SOX17: variants seen among roughly 807,000 people sequenced by gnomAD.
SOX17 encodes the protein SRY-box transcription factor 17.
In SOX17, 4 loss-of-function variants were observed where a neutral mutation model predicts 16.0. The ratio of observed to expected loss-of-function variants is 0.25; its 90% confidence interval spans 0.12 to 0.57. The LOEUF (loss-of-function observed/expected upper bound fraction) is 0.57, where lower values mean the gene tolerates loss of function less well. Among genes scored for constraint, SOX17 ranks in the 20% least tolerant of loss-of-function variants. The pLI is 0.92. For missense variants in SOX17, 633 were observed against 609.7 expected (o/e 1.04, Z -0.40); for synonymous variants, 357 against 284.6 (o/e 1.25, Z -2.56).
intron 1 of SOX17, 104 bp from the exon 2 acceptor site, chr8:54,458,952 CAA>C (rs1804683570): frequency 9.3e-7 from 1 of 1,079,682 alleles, no homozygotes; most frequent in Admixed American, 3.1e-5. Context: ...TTGCGCAATT[CAA>C]AGTCTGAGGG....
chr8:54,458,046 T>A lies in SOX17; in HGVS notation c.-93T>A. The A allele has an allele frequency of 7.3e-7, 1 of 1,373,494 alleles. No individual in the cohort carries two copies. The highest frequency in any genetic ancestry group is 9.5e-7 in the Non-Finnish European group (1 of 1,054,266). 85.1% of individuals were successfully genotyped at this position (1,373,494 alleles called of 1,614,324 possible). On this transcript the variant is annotated 5_prime_UTR_variant, in exon 1 of 2. Coordinates refer to ENST00000297316, the MANE Select transcript of SOX17 (RefSeq NM_022454.4). ...GGAGACCCGCGCAGCCCTCGGGGCA[T>A]CTCAGTGCCTCACTCCCCACCCCCT...
chr8:54,460,498 AG>A lies in SOX17; in HGVS notation c.*505del, dbSNP rs1293114416. The A allele has an allele frequency of 4.1e-6, 1 of 243,496 alleles. No homozygotes were observed. Among genetic ancestry groups the A allele is most frequent in the Non-Finnish European group, 8.1e-6 (1 of 124,196 alleles). 15.1% of individuals were successfully genotyped at this position (243,496 alleles called of 1,614,324 possible). ...AAAAGGGTGAACATAAATGCCTTTA[AG>A]GAGTATATCTAAAAATAAACATTAG... On this transcript the variant is annotated 3_prime_UTR_variant, in exon 2 of 2. Coordinates refer to ENST00000297316, the MANE Select transcript of SOX17 (RefSeq NM_022454.4).
Position 54,459,653 on chromosome 8 carries a change from C to G in SOX17, c.903C>G (p.Gly301=). The G allele has an allele frequency of 6.5e-7, 1 of 1,536,928 alleles. No homozygotes were observed. Among genetic ancestry groups the G allele is most frequent in the Non-Finnish European group, 8.7e-7 (1 of 1,146,138 alleles). The stretch of plus-strand genomic sequence containing the variant: ...TTCACGTGTACTACGGCGCGATGGG[C>G]TCGCCCGGGGCGGGCGGCGGGCGCG... ...SALHVYYGAM[G]SPGAGGGRGF... The change falls in exon 2 of 2, where the codon GGC becomes GGG. Residue 301 remains glycine (G), a synonymous_variant. Coordinates refer to ENST00000297316, the MANE Select transcript of SOX17 (RefSeq NM_022454.4).
chr8:54,459,572 C>T lies in SOX17; in HGVS notation c.822C>T (p.Leu274=). The T allele has an allele frequency of 6.5e-7, 1 of 1,537,590 alleles. No homozygotes were observed. The highest frequency in any genetic ancestry group is 1.2e-5 in the South Asian group (1 of 84,098). Residue 274 remains leucine (L), a synonymous_variant, in exon 2 of 2, where the codon CTC becomes CTT. Transcript: ENST00000297316. ...EPPAGPMHPR[L]GPEPAGPSIP... ...CCGCCGGTCCCATGCACCCCCGACT[C>T]GGCCCAGAGCCCGCGGGTCCCTCGA...
In SOX17 at chr8:54,458,012, T is replaced by A. The variant is rs1162824791; in HGVS notation, c.-127T>A. On this transcript the variant is annotated 5_prime_UTR_variant, in exon 1 of 2. Transcript: ENST00000297316. ...GACAGGCCAGAACACGGGCGGCGGC[T>A]TCGGGCCGGGAGACCCGCGCAGCCC... is the stretch of plus-strand genomic sequence containing the variant. 4 of 1,172,718 alleles carry A rather than the reference T, an allele frequency of 3.4e-6. No homozygotes were observed. Among genetic ancestry groups the A allele is most frequent in the Non-Finnish European group, 4.6e-6 (4 of 879,022 alleles). 72.6% of individuals were successfully genotyped at this position (1,172,718 alleles called of 1,614,324 possible).
chr8:54,459,036 C>T lies in SOX17; in HGVS notation c.308-22C>T, dbSNP rs1038122777. ...CAGCCGATAAGCCCTGCGCCCCTCT[C>T]CCCCTTCCTTCCACTGTGCAGGCAA... is the stretch of plus-strand genomic sequence containing the variant. On this transcript the variant is annotated intron_variant, in intron 1 of 1. Transcript: ENST00000297316. 3.2e-6 allele frequency: 5 copies of T among 1,577,058 alleles called. No homozygotes were observed. In the African/African-American group the frequency reaches 5.5e-5, roughly 17 times the overall value.
rs1180441898 is a variant in SOX17, at chr8:54,459,670, G to T, written c.920G>T (p.Gly307Val). 1.3e-6 allele frequency: 2 copies of T among 1,536,456 alleles called. No individual in the cohort carries two copies. The highest frequency in any genetic ancestry group is 1.2e-5 in the South Asian group (1 of 83,984). ...YGAMGSPGAG[G>V]GRGFQMQPQH... The stretch of plus-strand genomic sequence containing the variant: ...GCGATGGGCTCGCCCGGGGCGGGCG[G>T]CGGGCGCGGCTTCCAGATGCAGCCG... The change falls in exon 2 of 2, where the codon GGC becomes GTC. Residue 307 changes from glycine to valine, a missense_variant. Physicochemically the swap from Gly to Val is moderately radical, Grantham distance 109. Transcript: ENST00000297316.
chr8:54,458,967 G>T, intron 1 of SOX17, 91 bp from the exon 2 acceptor site: 2 of 1,176,974 alleles, frequency 1.7e-6, no homozygotes, highest in Non-Finnish European at 1.2e-6. Flanking sequence ...TCTGAGGGGG[G>T]AGGTGCGTCC....
rs767116263 is a variant in SOX17, at chr8:54,459,997, A to G, written c.*2A>G. The G allele has an allele frequency of 3.1e-6, 5 of 1,613,578 alleles. No homozygotes were observed. The highest frequency in any genetic ancestry group is 1.3e-5 in the African/African-American group (1 of 74,950). On this transcript the variant is annotated 3_prime_UTR_variant, in exon 2 of 2. Coordinates refer to ENST00000297316, the MANE Select transcript of SOX17 (RefSeq NM_022454.4). ...TACTGCAACTATCCTGACGTGTGAC[A>G]GGTCCCTGATCCGCCCCAGCCTGCA...
chr8:54,459,334 T>C lies in SOX17; in HGVS notation c.584T>C (p.Leu195Pro). The C allele has an allele frequency of 6.5e-7, 1 of 1,545,146 alleles. No homozygotes were observed. Among genetic ancestry groups the C allele is most frequent in the Non-Finnish European group, 8.6e-7 (1 of 1,156,486 alleles). The stretch of plus-strand genomic sequence containing the variant: ...GGCTTCCCCGCCGGCCCGCCGCTGC[T>C]GCCTCCGCACATGGGCGGCCACTAC... ...EQGFPAGPPLLPPHMGGHYRD... is the reference protein window; with the variant it reads ...EQGFPAGPPLPPPHMGGHYRD... The change falls in exon 2 of 2, where the codon CTG becomes CCG. Residue 195 changes from leucine (L) to proline (P), a missense_variant. Leu to Pro is a moderately conservative substitution (Grantham distance 98). Around this residue, in one of 5 missense-constraint regions of SOX17, gnomAD observed 479 missense variants for 397.2 expected, o/e 1.21. Coordinates refer to ENST00000297316, the MANE Select transcript of SOX17 (RefSeq NM_022454.4).
rs756721887 is a variant in SOX17 at position 54,459,640 on chromosome 8, A to G, written c.890A>G (p.Tyr297Cys). 3.9e-6 allele frequency: 6 copies of G among 1,537,464 alleles called. No homozygotes were observed. In the South Asian group the frequency reaches 4.8e-5, roughly 12 times the overall value. ...LAPPSALHVY[Y>C]GAMGSPGAGG... The stretch of plus-strand genomic sequence containing the variant: ...CCACCCAGCGCCCTTCACGTGTACT[A>G]CGGCGCGATGGGCTCGCCCGGGGCG... Residue 297 changes from tyrosine to cysteine, a missense_variant, in exon 2 of 2, where the codon TAC becomes TGC. Coordinates refer to ENST00000297316, the MANE Select transcript of SOX17 (RefSeq NM_022454.4).
chr8:54,459,719 C>T lies in SOX17; in HGVS notation c.969C>T (p.His323=), dbSNP rs1431020278. The change falls in exon 2 of 2, where the codon CAC becomes CAT. Residue 323 remains histidine (H), a synonymous_variant. Coordinates refer to ENST00000297316, the MANE Select transcript of SOX17 (RefSeq NM_022454.4). The part of the protein sequence containing the change: ...MQPQHQHQHQ[H]QHHPPGPGQP... ...CGCAACACCAGCACCAGCACCAGCA[C>T]CAGCACCACCCCCCGGGCCCCGGAC... The T allele has an allele frequency of 3.2e-6, 5 of 1,552,334 alleles. No individual in the cohort carries two copies. The African/African-American group carries it at 6.8e-5, about 21-fold the overall frequency.
chr8:54,457,953 C>A lies in SOX17; in HGVS notation c.-186C>A. 1 of 677,524 alleles carries A rather than the reference C, an allele frequency of 1.5e-6. No individual in the cohort carries two copies. Among genetic ancestry groups the A allele is most frequent in the Non-Finnish European group, 2.3e-6 (1 of 442,938 alleles). 42.0% of individuals were successfully genotyped at this position (677,524 alleles called of 1,614,324 possible). On this transcript the variant is annotated 5_prime_UTR_variant, in exon 1 of 2. In the 5' UTR this introduces an upstream ATG that the reference lacks. Transcript: ENST00000297316. The stretch of plus-strand genomic sequence containing the variant: ...GGCGCCCGCAGTGTCACTAGGCCGG[C>A]TGGGGGCCCTGGGTACGCTGTAGAC...
Position 54,458,279 on chromosome 8 carries a change from G to A in SOX17, c.141G>A (p.Glu47=), listed in dbSNP as rs774443756. The A allele has an allele frequency of 2.2e-5, 36 of 1,609,402 alleles. No homozygotes were observed. In the South Asian group the frequency reaches 2.5e-4, roughly 11 times the overall value. ...SPIGDMKVKG[E]APANSGAPAG... is the part of the protein sequence containing the mutation. Reference sequence around the variant, plus strand: ...TCGGGGACATGAAGGTGAAGGGCGAGGCGCCGGCGAACAGCGGAGCACCGG... The same window carrying A: ...TCGGGGACATGAAGGTGAAGGGCGAAGCGCCGGCGAACAGCGGAGCACCGG... The change falls in exon 1 of 2, where the codon GAG becomes GAA. Residue 47 remains glutamate, a synonymous_variant. Coordinates refer to ENST00000297316, the MANE Select transcript of SOX17 (RefSeq NM_022454.4).
rs769172253 is a variant in SOX17 at position 54,459,315 on chromosome 8, C to T, written c.565C>T (p.Pro189Ser). The change falls in exon 2 of 2, where the codon CCC (proline) becomes TCC (serine). Residue 189 changes from proline (P) to serine (S), a missense_variant. Coordinates refer to ENST00000297316, the MANE Select transcript of SOX17 (RefSeq NM_022454.4). ...CCTCCAGTTCCCCGAGCAGGGCTTC[C>T]CCGCCGGCCCGCCGCTGCTGCCTCC... ...LGLQFPEQGF[P>S]AGPPLLPPHM... The T allele has an allele frequency of 3.3e-5, 50 of 1,524,624 alleles. No individual in the cohort carries two copies. The South Asian group carries it at 4.4e-4, about 13-fold the overall frequency. The allele number at this position is 1,524,624 out of a possible 1,614,324, so 94.4% of individuals were successfully genotyped here. A position where few individuals can be genotyped will look rare whatever the true frequency, so the allele number is the denominator to read the frequency against.
Position 54,458,256 on chromosome 8 carries a change from G to A in SOX17, c.118G>A (p.Gly40Arg). Reference sequence around the variant, plus strand: ...CTGGGCCGAGTCGCTGAGCCCCATCGGGGACATGAAGGTGAAGGGCGAGGC... The same window carrying A: ...CTGGGCCGAGTCGCTGAGCCCCATCAGGGACATGAAGGTGAAGGGCGAGGC... ...CPWAESLSPIGDMKVKGEAPA... is the reference protein window; with the variant it reads ...CPWAESLSPIRDMKVKGEAPA... The change falls in exon 1 of 2, where the codon GGG (glycine) becomes AGG (arginine). Residue 40 changes from glycine (G) to arginine (R), a missense_variant. This residue lies in a region of SOX17 where 94 missense variants were observed against 98.7 expected (regional missense o/e 0.95). Transcript: ENST00000297316. 6.2e-7 allele frequency: 1 copy of A among 1,605,368 alleles called. No homozygotes were observed. Among genetic ancestry groups the A allele is most frequent in the Non-Finnish European group, 8.5e-7 (1 of 1,176,734 alleles).
In SOX17 at chr8:54,460,363, G is replaced by A. The variant is rs1051513284; in HGVS notation, c.*368G>A. The A allele has an allele frequency of 1.0e-5, 4 of 387,068 alleles. No individual in the cohort carries two copies. The East Asian group carries it at 1.3e-4, about 13-fold the overall frequency. The allele number at this position is 387,068 out of a possible 1,614,324, so 24.0% of individuals were successfully genotyped here. ...TTCAATCTTCTAAAAAATAAAATCT[G>A]GAATCCTGCTTTTTTGCTCTACTAG... On this transcript the variant is annotated 3_prime_UTR_variant, in exon 2 of 2. Coordinates refer to ENST00000297316, the MANE Select transcript of SOX17 (RefSeq NM_022454.4).
intron 1 of SOX17, 98 bp from the exon 2 acceptor site, chr8:54,458,960 G>T: frequency 1.7e-6 from 2 of 1,143,464 alleles, no homozygotes; most frequent in South Asian, 3.4e-5. Flanking sequence ...TTCAAAGTCT[G>T]AGGGGGGAGG....
chr8:54,458,701 C>G (rs1432080418), intron 1 of SOX17, among the ~76,000 whole-genome samples: 1 of 152,214 alleles, frequency 6.6e-6, no homozygotes, highest in Non-Finnish European at 1.5e-5. Flanking sequence ...TCTGGGAAGG[C>G]GACTTCCCGG....
Sources: allele counts gnomAD v4.1 joint callset (sites outside exome capture counted in the v4.1 genomes callset), GRCh38; gene constraint gnomAD v4.1.1; regional missense constraint gnomAD v4.1.1; transcripts MANE v1.5; gene names NCBI Gene and HGNC (gene_info 2026-07-23, HGNC 2026-07-21).